Variants in OLR1 observed in about 807,000 individuals in gnomAD.
OLR1 encodes oxidized low density lipoprotein receptor 1.
Under a neutral mutation model 31.7 loss-of-function variants are expected in OLR1, and 23 were observed. The observed-to-expected ratio is 0.72, with a 90% CI of 0.52 to 1.03. The LOEUF (loss-of-function observed/expected upper bound fraction) is 1.03, where lower values mean the gene tolerates loss of function less well. OLR1 is among the 50% of genes least tolerant of loss of function. The probability of loss-of-function intolerance (pLI) is 0.00; values close to 1 mark genes in which losing one functional copy is unlikely to be tolerated. For synonymous variants in OLR1, 117 were observed against 115.8 expected, an observed-to-expected ratio of 1.01 and a Z score of -0.07; for missense variants, 286 against 315.7, an observed-to-expected ratio of 0.91 and a Z score of 0.71.
At chr12:10,172,824 T>C (rs559844484), upstream of OLR1, among the ~76,000 whole-genome samples, 1 of 152,304 alleles carries the variant, frequency 6.6e-6, no homozygotes, top group Non-Finnish European at 1.5e-5. Flanking sequence ...CCTGATAACA[T>C]TGTTATAGGA....
upstream of OLR1, chr12:10,172,305 G>A (rs2137530315): frequency 2.3e-6 from 1 of 439,618 alleles, no homozygotes; most frequent in Non-Finnish European, 4.1e-6. Flanking sequence ...TTCTGAAGGT[G>A]TTTCAGGATA....
At chr12:10,174,507 G>C (rs1948751859), upstream of OLR1, among the ~76,000 whole-genome samples, 1 of 152,102 alleles carries the variant, frequency 6.6e-6, no homozygotes, top group Non-Finnish European at 1.5e-5. Context: ...AGAACAAAAA[G>C]CTTCTAACCT....
chr12:10,159,598 G>A lies in OLR1; in HGVS notation c.*282C>T, dbSNP rs1323013548. On this transcript the variant is annotated 3_prime_UTR_variant, in exon 6 of 6. Transcript: ENST00000309539. ...AAGACTGAGTTCAGAGGGTTTTCAA[G>A]CTTGAAGAGGAGTCAAATTTTAAAA... 3.8e-6 allele frequency: 1 copy of A among 264,992 alleles called. No homozygotes were observed. Among genetic ancestry groups the A allele is most frequent in the South Asian group, 7.1e-5 (1 of 14,066 alleles). The allele number at this position is 264,992 out of a possible 1,614,324, so 16.4% of individuals were successfully genotyped here.
In OLR1 at chr12:10,169,250, CTGTACTTG is replaced by C. The variant is rs35018651; in HGVS notation, c.77-83_77-76del. 6.4e-3 allele frequency: 6,529 copies of C among 1,014,264 alleles called. 306 individuals are homozygous for C. The African/African-American group carries it at 0.091, about 14-fold the overall frequency. 62.8% of individuals were successfully genotyped at this position (1,014,264 alleles called of 1,614,324 possible). On this transcript the variant is annotated intron_variant, in intron 1 of 5. Coordinates refer to ENST00000309539, the MANE Select transcript of OLR1 (RefSeq NM_002543.4). ...AAGCAAACCATTCCTTGGAGCCTGT[CTGTACTTG>C]GTGATTTACTCTGTTTATGTTTTAG...
intron 1 of OLR1, among the ~76,000 whole-genome samples, chr12:10,169,771 T>G (rs1279335215): frequency 1.3e-5 from 2 of 152,198 alleles, no homozygotes; most frequent in Non-Finnish European, 2.9e-5. Flanking sequence ...AAAGTAGGGA[T>G]GAAACCTTGA....
chr12:10,171,126 T>C lies in OLR1; in HGVS notation c.76+876A>G, dbSNP rs186888106. Among the ~76,000 whole-genome samples, 11 of 152,362 alleles carry C rather than the reference T, an allele frequency of 7.2e-5. No individual in the cohort carries two copies. In the East Asian group the frequency reaches 1.9e-3, roughly 27 times the overall value. On this transcript the variant is annotated intron_variant, in intron 1 of 5. Transcript: ENST00000309539. ...GGTTTTACCTATAAATATCAGCAGT[T>C]TTTATAGCAATTTAGTTCATTGGCT...
At chr12:10,160,285 A>T in intron 5 of OLR1, 62 bp downstream of exon 5, 1 of 1,314,514 alleles carries the variant, frequency 7.6e-7, no homozygotes, top group Non-Finnish European at 1.1e-6. Flanking sequence ...TGACCTCACT[A>T]GCAGGTTCAG....
chr12:10,165,550 A>G (rs1398529445), intron 3 of OLR1, among the ~76,000 whole-genome samples: 1 of 152,196 alleles, frequency 6.6e-6, no homozygotes, highest in African/African-American at 2.4e-5. Flanking sequence ...CCTTAGAAAA[A>G]GAAATACAGT....
At chr12:10,171,854 C>T in intron 1 of OLR1, 148 bp downstream of exon 1, 1 of 585,766 alleles carries the variant, frequency 1.7e-6, no homozygotes. Flanking sequence ...ATCATTATAG[C>T]CTTCTTGTTT....
chr12:10,162,131 C>T (rs1948625997), intron 3 of OLR1, among the ~76,000 whole-genome samples: 1 of 152,086 alleles, frequency 6.6e-6, no homozygotes. Flanking sequence ...CCAATGTCTA[C>T]ATGTTTATGG....
intron 2 of OLR1, among the ~76,000 whole-genome samples, chr12:10,167,893 C>T (rs1948676054): frequency 6.6e-6 from 1 of 152,014 alleles, no homozygotes; most frequent in Non-Finnish European, 1.5e-5. Context: ...TTTGATGGTG[C>T]AATACAAAGC....
intron 3 of OLR1, among the ~76,000 whole-genome samples, chr12:10,166,013 C>A (rs1382300794): frequency 6.6e-6 from 1 of 151,874 alleles, no homozygotes; most frequent in Admixed American, 6.6e-5. Context: ...GAGTTTGAGA[C>A]CAGCCTGTTC....
At chr12:10,172,168 G>C (rs1191191221), upstream of OLR1, 1 of 823,370 alleles carries the variant, frequency 1.2e-6, no homozygotes, top group Non-Finnish European at 2.1e-6. Context: ...TATTTAAATA[G>C]CTACTGTTAT....
upstream of OLR1, among the ~76,000 whole-genome samples, chr12:10,172,734 A>T (rs35795236): frequency 2.6e-4 from 40 of 152,316 alleles, no homozygotes; most frequent in African/African-American, 9.6e-4. Context: ...TAGTTTCAGT[A>T]CTTTCCTTTA....
intron 1 of OLR1, 41 bp from the exon 2 acceptor site, chr12:10,169,216 T>G: frequency 6.9e-7 from 1 of 1,453,842 alleles, no homozygotes; most frequent in African/African-American, 1.4e-5. Flanking sequence ...CAAAAAAGAG[T>G]GAACAAGTAA....
rs1162778153 is a variant in OLR1 at position 10,158,590 on chromosome 12, A to G, written c.*1290T>C. The G allele has an allele frequency of 6.6e-6, 1 of 152,158 alleles. No individual in the cohort carries two copies. Among genetic ancestry groups the G allele is most frequent in the African/African-American group, 2.4e-5 (1 of 41,438 alleles). The allele number at this position is 152,158 out of a possible 1,614,324, so 9.4% of individuals were successfully genotyped here. ...GCCGATTGGTGGTTTTCTGGGGAGGAGTCATCAGGAGGAGCATTGTGACAC... is the reference window on the plus strand; with the variant it reads ...GCCGATTGGTGGTTTTCTGGGGAGGGGTCATCAGGAGGAGCATTGTGACAC... On this transcript the variant is annotated 3_prime_UTR_variant, in exon 6 of 6. Coordinates refer to ENST00000309539, the MANE Select transcript of OLR1 (RefSeq NM_002543.4).
chr12:10,160,401 C>G lies in OLR1; in HGVS notation c.626G>C (p.Arg209Thr). 1 of 1,613,914 alleles carries G rather than the reference C, an allele frequency of 6.2e-7. No individual in the cohort carries two copies. Among genetic ancestry groups the G allele is most frequent in the Non-Finnish European group, 8.5e-7 (1 of 1,179,954 alleles). ...SFPFWMGLSR[R>T]NPSYPWLWED... is the part of the protein sequence containing the mutation. ...CCAGAGCCATGGGTAGCTGGGGTTC[C>G]TCCGAGACAGCCCCATCCAGAATGG... The change falls in exon 5 of 6, where the codon AGG (arginine) becomes ACG (threonine). Residue 209 changes from arginine to threonine, a missense_variant. Transcript: ENST00000309539.
chr12:10,170,610 G>A (rs985700707), intron 1 of OLR1: 4 of 150,066 alleles, frequency 2.7e-5, no homozygotes, highest in African/African-American at 9.8e-5. Flanking sequence ...TCCTGCCTCA[G>A]CCTCCTGAGC....
At chr12:10,164,880 A>G (rs1481970042) in intron 3 of OLR1, among the ~76,000 whole-genome samples, 1 of 152,186 alleles carries the variant, frequency 6.6e-6, no homozygotes, top group East Asian at 1.9e-4. Flanking sequence ...TTCTTCTTAT[A>G]TAAATAGACT....
Sources: gnomAD v4.1 joint callset for allele counts (sites outside exome capture counted in the v4.1 genomes callset) on GRCh38, gnomAD v4.1.1 for gene constraint, MANE v1.5 for transcripts, NCBI Gene and HGNC (gene_info 2026-07-23, HGNC 2026-07-21) for gene names.